The following PCLO variants were observed in gnomAD, a reference collection of about 807,000 sequenced individuals.
PCLO encodes the protein protein piccolo.
A neutral mutation model predicts 427.5 loss-of-function variants in PCLO; 82 were observed. The observed-to-expected ratio is 0.19, with a 90% CI of 0.16 to 0.23. PCLO has a LOEUF of 0.23. Ranked by LOEUF, PCLO falls within the 10% of genes least tolerant of loss-of-function variation. The pLI is 1.00. For synonymous variants in PCLO, 2,357 were observed against 2,155.4 expected (o/e 1.09, Z -2.59); for missense variants, 6,239 against 6,115.9 (o/e 1.02, Z -0.67).
At chr7:83,135,960 T>C (rs1791717510) in intron 2 of PCLO, among the ~76,000 whole-genome samples, 4 of 151,878 alleles carry the variant, frequency 2.6e-5, no homozygotes, top group Admixed American at 2.0e-4. Flanking sequence ...TAGCTGGGCA[T>C]GGTGGTGTAC....
At position 82,956,898 on chromosome 7, in the gene PCLO, T is replaced by C. The variant is rs762956905; in HGVS notation, c.4055A>G (p.Gln1352Arg). The change falls in exon 5 of 25, where the codon CAG becomes CGG. Residue 1352 changes from glutamine (Q) to arginine (R), a missense_variant. By Grantham distance (43) the Gln-to-Arg change is conservative. Around this residue, in one of 5 missense-constraint regions of PCLO, gnomAD observed 4,677 missense variants for 4,468.4 expected, o/e 1.05. Coordinates refer to ENST00000333891, the MANE Select transcript of PCLO (RefSeq NM_033026.6). ...EDDKSDTSSS[Q>R]QPKSPQGLSD... is the part of the protein sequence containing the mutation. ...CAGACCTTGGGGGCTTTTAGGCTGC[T>C]GAGAACTTGAGGTGTCTGATTTGTC... 6.2e-7 allele frequency: 1 copy of C among 1,611,662 alleles called. No individual in the cohort carries two copies. Among genetic ancestry groups the C allele is most frequent in the South Asian group, 1.1e-5 (1 of 90,568 alleles).
intron 19 of PCLO, among the ~76,000 whole-genome samples, chr7:82,823,141 G>A (rs1791838569): frequency 6.6e-6 from 1 of 152,080 alleles, no homozygotes; most frequent in African/African-American, 2.4e-5. Flanking sequence ...TATTTCCTAA[G>A]GCAGTCATAG....
intron 10 of PCLO, among the ~76,000 whole-genome samples, chr7:82,854,007 AT>A (rs1322857835): frequency 9.2e-5 from 14 of 152,150 alleles, no homozygotes; most frequent in African/African-American, 3.1e-4. Context: ...TAAAACTTCC[AT>A]TTTGTTCTTA....
chr7:82,887,457 T>A (rs1793654200), intron 9 of PCLO, among the ~76,000 whole-genome samples: 1 of 152,186 alleles, frequency 6.6e-6, no homozygotes, highest in African/African-American at 2.4e-5. Flanking sequence ...TATCCTCCTA[T>A]CCTTGAATAT....
At chr7:82,841,566 C>T in intron 13 of PCLO, 57 bp from the exon 14 acceptor site, 2 of 1,081,452 alleles carry the variant, frequency 1.8e-6, no homozygotes, top group Admixed American at 1.9e-5. Flanking sequence ...CATAATTTAT[C>T]ATTTCGGCTT....
At chr7:82,889,210 C>A (rs1009853102) in intron 9 of PCLO, among the ~76,000 whole-genome samples, 12 of 152,028 alleles carry the variant, frequency 7.9e-5, no homozygotes, top group Non-Finnish European at 1.6e-4. Flanking sequence ...GTCCTGTTCC[C>A]CCAAACTTTG....
chr7:82,960,518 C>T (rs943095213), intron 4 of PCLO, among the ~76,000 whole-genome samples: 2 of 151,924 alleles, frequency 1.3e-5, no homozygotes, highest in African/African-American at 2.4e-5. Context: ...AGAGTATTTT[C>T]GTGTACTATA....
intron 21 of PCLO, among the ~76,000 whole-genome samples, chr7:82,804,340 A>C (rs996725080): frequency 6.6e-6 from 1 of 152,196 alleles, no homozygotes; most frequent in African/African-American, 2.4e-5. Context: ...TGCTTAATTT[A>C]AATTGAAAAA....
At chr7:82,831,492 T>A (rs189815157) in intron 16 of PCLO, among the ~76,000 whole-genome samples, 64 of 152,242 alleles carry the variant, frequency 4.2e-4, no homozygotes, top group African/African-American at 1.2e-3. Context: ...ATTATAAACA[T>A]CGTGAACAAG....
chr7:83,135,165 T>A lies in PCLO; in HGVS notation c.2385A>T (p.Leu795=). 6.2e-7 allele frequency: 1 copy of A among 1,613,928 alleles called. No homozygotes were observed. The highest frequency in any genetic ancestry group is 2.2e-5 in the East Asian group (1 of 44,858). Residue 795 remains leucine (L), a synonymous_variant, in exon 3 of 25, where the codon CTA becomes CTT. Coordinates refer to ENST00000333891, the MANE Select transcript of PCLO (RefSeq NM_033026.6). ...GTGAGGGTTTGGCAGAGTCTGTTTT[T>A]AGAGGAGGGGTTGTTTTCTCTTCAG... ...SQAEEKTTPP[L]KTDSAKPSQS... is the part of the protein sequence containing the mutation.
chr7:83,066,074 C>T (rs1789664398), intron 3 of PCLO, among the ~76,000 whole-genome samples: 2 of 152,076 alleles, frequency 1.3e-5, no homozygotes, highest in Admixed American at 1.3e-4. Flanking sequence ...CTCTCTAATC[C>T]TTTCATGTGT....
chr7:82,761,945 T>TA (rs1423809313), intron 22 of PCLO, among the ~76,000 whole-genome samples: 3 of 152,196 alleles, frequency 2.0e-5, no homozygotes, highest in African/African-American at 7.2e-5. Flanking sequence ...TCAATTCACA[T>TA]AGATATGACT....
intron 4 of PCLO, among the ~76,000 whole-genome samples, chr7:82,965,316 C>G (rs1322012270): frequency 8.1e-6 from 1 of 123,056 alleles, no homozygotes; most frequent in Non-Finnish European, 1.7e-5. Flanking sequence ...TTCTTTCTTT[C>G]TTTTTTTTTT....
chr7:82,958,514 C>G (rs1266668349), intron 4 of PCLO, among the ~76,000 whole-genome samples: 1 of 152,116 alleles, frequency 6.6e-6, no homozygotes, highest in Admixed American at 6.6e-5. Flanking sequence ...GGTCAATGAT[C>G]TATCCTGAGC....
chr7:83,063,414 A>G (rs939997130), intron 3 of PCLO, among the ~76,000 whole-genome samples: 1 of 152,092 alleles, frequency 6.6e-6, no homozygotes, highest in Non-Finnish European at 1.5e-5. Flanking sequence ...ATGGTGCCAT[A>G]TGCATTCAAT....
intron 6 of PCLO, among the ~76,000 whole-genome samples, chr7:82,928,200 T>G (rs1794757796): frequency 6.6e-6 from 1 of 152,172 alleles, no homozygotes; most frequent in South Asian, 2.1e-4. Flanking sequence ...CCCATAATAT[T>G]GTGATTAGCA....
intron 6 of PCLO, among the ~76,000 whole-genome samples, chr7:82,924,822 A>C (rs1305069570): frequency 1.3e-5 from 2 of 152,164 alleles, no homozygotes; most frequent in African/African-American, 2.4e-5. Flanking sequence ...AAAAGGAATT[A>C]GAACAAAAAA....
chr7:82,783,238 G>A (rs1284565411), intron 22 of PCLO, among the ~76,000 whole-genome samples: 1 of 152,154 alleles, frequency 6.6e-6, no homozygotes, highest in Admixed American at 6.5e-5. Context: ...CTTTGGTTTT[G>A]AGTTTGTTTG....
At chr7:83,086,743 T>C (rs1015320549) in intron 3 of PCLO, among the ~76,000 whole-genome samples, 7 of 152,100 alleles carry the variant, frequency 4.6e-5, no homozygotes, top group African/African-American at 1.7e-4. Flanking sequence ...CAGAGATACA[T>C]AGTAGCTACA....
Sources: allele counts gnomAD v4.1 joint callset (sites outside exome capture counted in the v4.1 genomes callset), GRCh38; gene constraint gnomAD v4.1.1; regional missense constraint gnomAD v4.1.1; transcripts MANE v1.5; gene names NCBI Gene and HGNC (gene_info 2026-07-23, HGNC 2026-07-21).